Variants in RMND5A observed in about 807,000 individuals in gnomAD.
RMND5A encodes the protein E3 ubiquitin-protein transferase RMND5A.
RMND5A carries 17 observed loss-of-function variants against 49.7 expected under a neutral mutation model. The ratio of observed to expected loss-of-function variants is 0.34; its 90% CI spans 0.23 to 0.51. The LOEUF (loss-of-function observed/expected upper bound fraction) is 0.51. Ranked by LOEUF, RMND5A falls within the 20% of genes least tolerant of loss-of-function variation. RMND5A has a pLI of 0.96. For missense variants in RMND5A, 255 were observed against 471.3 expected, an observed-to-expected ratio of 0.54 and a Z score of 4.25; for synonymous variants, 156 against 167.7, an observed-to-expected ratio of 0.93 and a Z score of 0.54.
At chr2:86,751,688 A>C (rs954510281) in intron 2 of RMND5A, among the ~76,000 whole-genome samples, 1 of 152,210 alleles carries the variant, frequency 6.6e-6, no homozygotes, top group Non-Finnish European at 1.5e-5. Context: ...CTACTTTAAA[A>C]AAACATTATC....
chr2:86,765,264 T>C, intron 5 of RMND5A, 71 bp downstream of exon 5: 1 of 1,278,894 alleles, frequency 7.8e-7, no homozygotes. Context: ...TAACAGTTCT[T>C]AACTAGAGCT....
intron 6 of RMND5A, among the ~76,000 whole-genome samples, chr2:86,768,170 A>G (rs1410945636): frequency 6.6e-6 from 1 of 152,258 alleles, no homozygotes; most frequent in African/African-American, 2.4e-5. Context: ...TATAATCCAC[A>G]AAAAGAAAAG....
intron 5 of RMND5A, chr2:86,765,599 C>T (rs1260297479): frequency 1.8e-5 from 7 of 399,128 alleles, no homozygotes; most frequent in Middle Eastern, 6.8e-4. Context: ...TGTTACTTCT[C>T]TAGGTAATGG....
At chr2:86,771,092 C>T (rs1296571303) in intron 7 of RMND5A, among the ~76,000 whole-genome samples, 3 of 152,202 alleles carry the variant, frequency 2.0e-5, no homozygotes, top group African/African-American at 7.2e-5. Context: ...CAGTCCTGGT[C>T]CTGAGTGTGG....
At chr2:86,721,648 T>C (rs1681226835) in intron 1 of RMND5A, among the ~76,000 whole-genome samples, 1 of 151,924 alleles carries the variant, frequency 6.6e-6, no homozygotes, top group Admixed American at 6.6e-5. Context: ...GGACAGGTAC[T>C]TTTAAAGGTT....
At chr2:86,721,857 A>G (rs1681232321) in intron 1 of RMND5A, among the ~76,000 whole-genome samples, 1 of 144,704 alleles carries the variant, frequency 6.9e-6, no homozygotes, top group Non-Finnish European at 1.5e-5. Context: ...CAGTGGCGTT[A>G]GCTGAGTGTC....
intron 4 of RMND5A, among the ~76,000 whole-genome samples, chr2:86,761,565 G>A (rs1672489402): frequency 6.6e-6 from 1 of 152,158 alleles, no homozygotes; most frequent in African/African-American, 2.4e-5. Flanking sequence ...TTTAGAAAAT[G>A]ACATTTTGCC....
Position 86,765,184 on chromosome 2 carries a change from C to A in RMND5A, c.679C>A (p.His227Asn). Reference sequence around the variant, plus strand: ...AAATTTTCAGCCATTTGCCCTAAATCATCAAAAAGGTGAGTCTAGAGTCAG... The same window carrying A: ...AAATTTTCAGCCATTTGCCCTAAATAATCAAAAAGGTGAGTCTAGAGTCAG... ...AKNFQPFALN[H>N]QKDIQVLMGS... The change falls in exon 5 of 9, where the codon CAT becomes AAT. Residue 227 changes from histidine (H) to asparagine (N), a missense_variant. By Grantham distance (68) the His-to-Asn change is moderately conservative. Around this residue, in one of 3 missense-constraint regions of RMND5A, gnomAD observed 208 missense variants for 339.8 expected, o/e 0.61. Coordinates refer to ENST00000283632, the MANE Select transcript of RMND5A (RefSeq NM_022780.4). 1 of 1,604,248 alleles carries A rather than the reference C, an allele frequency of 6.2e-7. No individual in the cohort carries two copies. Among genetic ancestry groups the A allele is most frequent in the South Asian group, 1.1e-5 (1 of 90,274 alleles).
chr2:86,752,737 C>T (rs980573055), intron 3 of RMND5A, among the ~76,000 whole-genome samples: 1 of 152,198 alleles, frequency 6.6e-6, no homozygotes, highest in Non-Finnish European at 1.5e-5. Context: ...CTTCACACTC[C>T]GTTCTAAGCC....
At chr2:86,723,925 A>G (rs757026388) in intron 1 of RMND5A, among the ~76,000 whole-genome samples, 926 of 149,674 alleles carry the variant, frequency 6.2e-3, no homozygotes, top group Middle Eastern at 0.017. Context: ...TTTACATAAA[A>G]TTTCTCTCGT....
chr2:86,771,654 T>C lies in RMND5A; in HGVS notation c.1054T>C (p.Leu352=). The C allele has an allele frequency of 6.2e-7, 1 of 1,613,734 alleles. No homozygotes were observed. The highest frequency in any genetic ancestry group is 8.5e-7 in the Non-Finnish European group (1 of 1,179,722). The change falls in exon 8 of 9, where the codon TTG becomes CTG. Residue 352 remains leucine, a synonymous_variant. Transcript: ENST00000283632. The part of the protein sequence containing the change: ...QTTDNNPPMK[L]VCGHIISRDA... ...AACAGATAACAATCCACCCATGAAA[T>C]TGGTCTGTGGTCATATTATATCAAG... is the stretch of plus-strand genomic sequence containing the variant.
intron 6 of RMND5A, among the ~76,000 whole-genome samples, chr2:86,767,392 A>G (rs1423900416): frequency 6.6e-6 from 1 of 151,480 alleles, no homozygotes; most frequent in African/African-American, 2.4e-5. Flanking sequence ...AAGAATCATT[A>G]ACATAGTTAC....
At position 86,775,953 on chromosome 2, in the gene RMND5A, C is replaced by G. The variant is rs932827516; in HGVS notation, c.*2542C>G. 2 of 152,196 alleles carry G rather than the reference C, an allele frequency of 1.3e-5. No homozygotes were observed. The highest frequency in any genetic ancestry group is 4.8e-5 in the African/African-American group (2 of 41,456). 9.4% of individuals were successfully genotyped at this position (152,196 alleles called of 1,614,324 possible). A position where few individuals can be genotyped will look rare whatever the true frequency, so the allele number is the denominator to read the frequency against. On this transcript the variant is annotated 3_prime_UTR_variant, in exon 9 of 9. Transcript: ENST00000283632. ...CAGTCCAGGAGGATGCTTTTTGTCTCTCTTTGCCTCCACTTTACAAAAGAT... is the reference window on the plus strand; with the variant it reads ...CAGTCCAGGAGGATGCTTTTTGTCTGTCTTTGCCTCCACTTTACAAAAGAT...
chr2:86,751,172 A>G (rs927602741), intron 2 of RMND5A, among the ~76,000 whole-genome samples: 3 of 152,138 alleles, frequency 2.0e-5, no homozygotes, highest in African/African-American at 7.2e-5. Context: ...TTAGCAGGCA[A>G]TCAACCTTGT....
chr2:86,743,728 G>A (rs1016112250), intron 2 of RMND5A, among the ~76,000 whole-genome samples: 1 of 152,124 alleles, frequency 6.6e-6, no homozygotes, highest in African/African-American at 2.4e-5. Context: ...GCTCACACTT[G>A]TAATCCCAGC....
At chr2:86,721,618 T>A (rs1447974780) in intron 1 of RMND5A, among the ~76,000 whole-genome samples, 1 of 151,998 alleles carries the variant, frequency 6.6e-6, no homozygotes, top group Non-Finnish European at 1.5e-5. Flanking sequence ...TGTTTTTTTT[T>A]TTACTGCCCC....
chr2:86,752,660 G>T (rs968498988), intron 3 of RMND5A, among the ~76,000 whole-genome samples: 3 of 152,218 alleles, frequency 2.0e-5, no homozygotes, highest in Admixed American at 6.5e-5. Context: ...GTCTGGAGAA[G>T]TAAGTTGCCC....
chr2:86,776,575 A>G lies in RMND5A; in HGVS notation c.*3164A>G, dbSNP rs549590385. 21 of 152,302 alleles carry G rather than the reference A, an allele frequency of 1.4e-4. No individual in the cohort carries two copies. The South Asian group carries it at 4.4e-3, about 32-fold the overall frequency. The allele number at this position is 152,302 out of a possible 1,614,324, so 9.4% of individuals were successfully genotyped here. ...TTATGCTGCGATTGATTTCCACCTCAGTGGCTTAGCCTTTGGGACAGTGGA... is the reference window on the plus strand; with the variant it reads ...TTATGCTGCGATTGATTTCCACCTCGGTGGCTTAGCCTTTGGGACAGTGGA... On this transcript the variant is annotated 3_prime_UTR_variant, in exon 9 of 9. Transcript: ENST00000283632.
At chr2:86,764,630 G>A (rs1672560407) in intron 4 of RMND5A, among the ~76,000 whole-genome samples, 1 of 152,204 alleles carries the variant, frequency 6.6e-6, no homozygotes, top group African/African-American at 2.4e-5. Flanking sequence ...TAAAAGTATA[G>A]TTCCCTTTCA....
Sources: gnomAD v4.1 joint callset for allele counts (sites outside exome capture counted in the v4.1 genomes callset) on GRCh38, gnomAD v4.1.1 for gene constraint, gnomAD v4.1.1 regional missense constraint, MANE v1.5 for transcripts, NCBI Gene and HGNC (gene_info 2026-07-23, HGNC 2026-07-21) for gene names.